CHN2: variants seen among roughly 807,000 people sequenced by gnomAD.
CHN2 encodes the protein beta-chimaerin.
In CHN2, 35 loss-of-function variants were observed where a neutral mutation model predicts 56.3. The observed-to-expected ratio is 0.62, with a 90% CI of 0.47 to 0.82. The LOEUF (loss-of-function observed/expected upper bound fraction) is 0.82, where lower values mean the gene tolerates loss of function less well. CHN2 is among the 40% of genes least tolerant of loss of function. The pLI is 0.00. For synonymous variants in CHN2, 210 were observed against 212.8 expected (o/e 0.99, Z 0.12); for missense variants, 491 against 580.5 (o/e 0.85, Z 1.58).
rs752577689 is a variant in CHN2 at position 29,275,620 on chromosome 7, G to A, written c.50-79005G>A. 5.9e-5 allele frequency among the ~76,000 whole-genome samples: 9 copies of A among 152,244 alleles called. 1 individual carries two copies. In the East Asian group the frequency reaches 1.2e-3, roughly 20 times the overall value. On this transcript the variant is annotated intron_variant, in intron 1 of 12. Transcript: ENST00000222792. ...CATGCCAGCACTGAGCTAAGTACTC[G>A]GTATGTAATATACGGTCTCACTTCT...
intron 7 of CHN2, among the ~76,000 whole-genome samples, chr7:29,485,867 G>A (rs907954923): frequency 2.0e-5 from 3 of 151,992 alleles, no homozygotes; most frequent in Non-Finnish European, 4.4e-5. Flanking sequence ...TCTGCATGGG[G>A]ATCTGCATCA....
intron 6 of CHN2, among the ~76,000 whole-genome samples, chr7:29,476,353 A>G (rs911166357): frequency 6.6e-6 from 1 of 152,096 alleles, no homozygotes; most frequent in Non-Finnish European, 1.5e-5. Context: ...CCTGGCCAAC[A>G]TGGTGAAACC....
intron 2 of CHN2, among the ~76,000 whole-genome samples, chr7:29,171,397 G>A (rs777506271): frequency 1.3e-5 from 2 of 152,104 alleles, no homozygotes; most frequent in Non-Finnish European, 2.9e-5. Flanking sequence ...AATAAACAAC[G>A]GCATTAGCCA....
intron 1 of CHN2, among the ~76,000 whole-genome samples, chr7:29,209,929 C>T (rs76453291): frequency 0.025 from 3,846 of 152,118 alleles, 163 homozygotes; most frequent in African/African-American, 0.082. Context: ...GGCCAGGGTG[C>T]GTAAAGATCA....
intron 6 of CHN2, among the ~76,000 whole-genome samples, chr7:29,466,686 A>G (rs1785579921): frequency 6.6e-6 from 1 of 152,164 alleles, no homozygotes; most frequent in Non-Finnish European, 1.5e-5. Flanking sequence ...CACATCTGAG[A>G]GTTTCTGCAA....
intron 1 of CHN2, among the ~76,000 whole-genome samples, chr7:29,239,228 C>T (rs1787454722): frequency 6.6e-6 from 1 of 152,026 alleles, no homozygotes; most frequent in Non-Finnish European, 1.5e-5. Context: ...GAAGGTAGAG[C>T]TAGAACAGGA....
In CHN2 at chr7:29,233,825, A is replaced by ATTTT. The variant is rs1175429614; in HGVS notation, c.49+38858_49+38861dup. 7.6e-3 allele frequency among the ~76,000 whole-genome samples: 406 copies of ATTTT among 53,186 alleles called. 72 individuals are homozygous for ATTTT. Among genetic ancestry groups the ATTTT allele is most frequent in the African/African-American group, 0.026 (380 of 14,458 alleles). The allele number at this position is 53,186 out of a possible 152,430, so 34.9% of individuals were successfully genotyped here. A position where few individuals can be genotyped will look rare whatever the true frequency, so the allele number is the denominator to read the frequency against. On this transcript the variant is annotated intron_variant, in intron 1 of 12. Coordinates refer to ENST00000222792, the MANE Select transcript of CHN2 (RefSeq NM_004067.4). ...AGAATGCAGCCCTGCCAACACCTTG[A>ATTTT]TTTTTTTTTTTTTTTTTTTTTTTTT...
intron 1 of CHN2, among the ~76,000 whole-genome samples, chr7:29,339,255 C>CT (rs917411733): frequency 1.3e-5 from 2 of 151,874 alleles, no homozygotes; most frequent in African/African-American, 2.4e-5. Flanking sequence ...GTTTGCTATA[C>CT]TTTTTTTTAA....
chr7:29,465,106 C>T (rs1198900005), intron 6 of CHN2, among the ~76,000 whole-genome samples: 1 of 152,210 alleles, frequency 6.6e-6, no homozygotes, highest in Non-Finnish European at 1.5e-5. Context: ...ACACAGCCTG[C>T]ATTTACACAT....
intron 1 of CHN2, among the ~76,000 whole-genome samples, chr7:29,198,942 C>T (rs1783941035): frequency 6.6e-6 from 1 of 152,122 alleles, no homozygotes; most frequent in Non-Finnish European, 1.5e-5. Flanking sequence ...CGTAAACCCA[C>T]TGTATTATCA....
chr7:29,173,244 G>T (rs2128728295), intron 2 of CHN2, among the ~76,000 whole-genome samples: 1 of 152,172 alleles, frequency 6.6e-6, no homozygotes, highest in South Asian at 2.1e-4. Context: ...AAGCTAAGCA[G>T]GAACCCAGAG....
intron 6 of CHN2, among the ~76,000 whole-genome samples, chr7:29,465,282 A>G (rs1241293965): frequency 6.6e-6 from 1 of 152,216 alleles, no homozygotes; most frequent in Non-Finnish European, 1.5e-5. Context: ...TTATTGTATT[A>G]AATGAAGGAA....
At chr7:29,468,793 T>G (rs1412619995) in intron 6 of CHN2, among the ~76,000 whole-genome samples, 3 of 152,182 alleles carry the variant, frequency 2.0e-5, no homozygotes, top group African/African-American at 7.2e-5. Context: ...ATACCTATCC[T>G]GTGAGCGTTA....
chr7:29,246,966 G>A (rs1374371398), intron 1 of CHN2, among the ~76,000 whole-genome samples: 2 of 152,168 alleles, frequency 1.3e-5, no homozygotes, highest in Non-Finnish European at 2.9e-5. Flanking sequence ...CACTCAGTCC[G>A]TAGCAGTGTA....
intron 2 of CHN2, among the ~76,000 whole-genome samples, chr7:29,361,411 G>A (rs780312493): frequency 2.6e-5 from 4 of 152,116 alleles, no homozygotes; most frequent in African/African-American, 7.2e-5. Context: ...AACCCAGATG[G>A]CAAATAGGCT....
chr7:29,320,366 G>A (rs12700953), intron 1 of CHN2, among the ~76,000 whole-genome samples: 1 of 151,932 alleles, frequency 6.6e-6, no homozygotes, highest in East Asian at 1.9e-4. Flanking sequence ...CTGCAGGGGG[G>A]TGCTAATCAG....
chr7:29,254,346 A>G (rs1788893978), intron 1 of CHN2, among the ~76,000 whole-genome samples: 1 of 152,240 alleles, frequency 6.6e-6, no homozygotes, highest in Admixed American at 6.5e-5. Context: ...ACTAGTGCTA[A>G]TGCTAGTCTA....
intron 6 of CHN2, among the ~76,000 whole-genome samples, chr7:29,472,582 G>T (rs904530058): frequency 2.0e-5 from 3 of 151,678 alleles, no homozygotes; most frequent in Admixed American, 1.3e-4. Context: ...GAGCCAATGG[G>T]CCAAGGGAAA....
At chr7:29,150,257 A>G (rs1415809421) in intron 2 of CHN2, among the ~76,000 whole-genome samples, 1 of 152,214 alleles carries the variant, frequency 6.6e-6, no homozygotes, top group African/African-American at 2.4e-5. Context: ...CAGTTTTCTC[A>G]TCTGTACATG....
Sources: gnomAD v4.1 joint callset for allele counts (sites outside exome capture counted in the v4.1 genomes callset) on GRCh38, gnomAD v4.1.1 for gene constraint, MANE v1.5 for transcripts, NCBI Gene and HGNC (gene_info 2026-07-23, HGNC 2026-07-21) for gene names.